The following DLG4 variants were observed in gnomAD, a reference collection of about 807,000 sequenced individuals.
DLG4 encodes disks large homolog 4.
In DLG4, 7 loss-of-function variants were observed where a neutral mutation model predicts 93.8. That is an observed-to-expected ratio of 0.07 (90% CI 0.04 to 0.14). The LOEUF is 0.14. DLG4 is among the 10% of genes least tolerant of loss of function. The pLI is 1.00. For synonymous variants in DLG4, 341 were observed against 387.6 expected (o/e 0.88, Z 1.41); for missense variants, 545 against 992.9 (o/e 0.55, Z 6.06).
Position 7,217,376 on chromosome 17 carries a change from G to C in DLG4, c.-229C>G. On this transcript the variant is annotated 5_prime_UTR_variant, in exon 1 of 20. Coordinates refer to ENST00000399506, the MANE Select transcript of DLG4 (RefSeq NM_001321075.3). ...AAAAGGGGCTCCCCAGTGGAGGGGA[G>C]GGGGCTTGGGGAGCACACCCCGATT... is the stretch of plus-strand genomic sequence containing the variant. The C allele has an allele frequency of 1.9e-6, 1 of 513,670 alleles. No homozygotes were observed. Among genetic ancestry groups the C allele is most frequent in the Non-Finnish European group, 3.0e-6 (1 of 337,056 alleles). 31.8% of individuals were successfully genotyped at this position (513,670 alleles called of 1,614,324 possible).
In DLG4 at chr17:7,193,309, G is replaced by A. The variant is rs2069596528; in HGVS notation, c.1693+174C>T. ...TCCAGGGCCTCCAAGTCTCTGGCCT[G>A]GGCATGGGTACTATGGAATGAGAGG... On this transcript the variant is annotated intron_variant, in intron 16 of 19. Coordinates refer to ENST00000399506, the MANE Select transcript of DLG4 (RefSeq NM_001321075.3). The surrounding 1 kb of genome is among the most constrained non-coding windows in gnomAD (Gnocchi z 6.7). Among the ~76,000 whole-genome samples the A allele has an allele frequency of 6.6e-6, 1 of 152,124 alleles. No homozygotes were observed. The highest frequency in any genetic ancestry group is 2.4e-5 in the African/African-American group (1 of 41,436).
chr17:7,219,024 C>G, upstream of DLG4: 1 of 677,764 alleles, frequency 1.5e-6, no homozygotes, highest in Non-Finnish European at 2.6e-6. Flanking sequence ...ACACCCTGGC[C>G]CCCTCTTCCC....
At chr17:7,192,606 T>G (rs1597441094) in intron 17 of DLG4, among the ~76,000 whole-genome samples, 6 of 139,808 alleles carry the variant, frequency 4.3e-5, no homozygotes, top group African/African-American at 1.4e-4. Context: ...CAGCGGGGAG[T>G]CAGGAAAAAG....
At position 7,190,595 on chromosome 17, in the gene DLG4, A is replaced by G. The variant is rs1454497324; in HGVS notation, c.*113T>C. The G allele has an allele frequency of 1.3e-6, 1 of 778,656 alleles. No individual in the cohort carries two copies. Among genetic ancestry groups the G allele is most frequent in the South Asian group, 1.5e-5 (1 of 65,246 alleles). The allele number at this position is 778,656 out of a possible 1,614,324, so 48.2% of individuals were successfully genotyped here. Reference sequence around the variant, plus strand: ...CTGGATCCAGTTAGAAAGGAAATAAATAAGAAGGGGTGGGAGGGAGGCCGG... The same window carrying G: ...CTGGATCCAGTTAGAAAGGAAATAAGTAAGAAGGGGTGGGAGGGAGGCCGG... On this transcript the variant is annotated 3_prime_UTR_variant, in exon 20 of 20. Coordinates refer to ENST00000399506, the MANE Select transcript of DLG4 (RefSeq NM_001321075.3).
rs1295545184 is a variant in DLG4 at position 7,204,269 on chromosome 17, G to A, written c.97-17C>T. On this transcript the variant is annotated splice_polypyrimidine_tract_variant and intron_variant, in intron 2 of 19. Coordinates refer to ENST00000399506, the MANE Select transcript of DLG4 (RefSeq NM_001321075.3). ...AGAATTGGCCTGTTTGGGAAAACAA[G>A]AGACAAAAAGCAGCCTGAGCCTTGA... The A allele has an allele frequency of 2.5e-6, 4 of 1,570,832 alleles. No individual in the cohort carries two copies. The highest frequency in any genetic ancestry group is 2.4e-5 in the South Asian group (2 of 84,816).
intron 1 of DLG4, among the ~76,000 whole-genome samples, chr17:7,211,875 GGA>G (rs996894331): frequency 2.7e-5 from 4 of 149,036 alleles, no homozygotes; most frequent in African/African-American, 1.0e-4. Flanking sequence ...CGTCACGTTG[GGA>G]GAGAGGGGTG....
At position 7,190,878 on chromosome 17, in the gene DLG4, G is replaced by A. The variant is rs78160041; in HGVS notation, c.2069-64C>T. On this transcript the variant is annotated intron_variant, in intron 19 of 19. Coordinates refer to ENST00000399506, the MANE Select transcript of DLG4 (RefSeq NM_001321075.3). Reference sequence around the variant, plus strand: ...GGCCAGAGGACACCTGGCCAAGGGGGTTGCACCAGCCCAGAGGAAGGGGCA... The same window carrying A: ...GGCCAGAGGACACCTGGCCAAGGGGATTGCACCAGCCCAGAGGAAGGGGCA... 4,814 of 1,376,588 alleles carry A rather than the reference G, an allele frequency of 3.5e-3. 137 individuals are homozygous for A. The African/African-American group carries it at 0.059, about 17-fold the overall frequency. The allele number at this position is 1,376,588 out of a possible 1,614,324, so 85.3% of individuals were successfully genotyped here. A position where few individuals can be genotyped will look rare whatever the true frequency, so the allele number is the denominator to read the frequency against.
At chr17:7,202,548 A>C (rs1303997097) in intron 8 of DLG4, among the ~76,000 whole-genome samples, 1 of 152,150 alleles carries the variant, frequency 6.6e-6, no homozygotes, top group Non-Finnish European at 1.5e-5. Flanking sequence ...TCCTTATTTT[A>C]CACTATCCTT....
At chr17:7,202,055 C>T (rs2070165368) in intron 8 of DLG4, among the ~76,000 whole-genome samples, 1 of 152,140 alleles carries the variant, frequency 6.6e-6, no homozygotes, top group Admixed American at 6.6e-5. Context: ...GTGAATTTCA[C>T]CAAATGCCTT....
upstream of DLG4, chr17:7,217,629 G>A (rs1434054355): frequency 2.3e-6 from 3 of 1,318,998 alleles, no homozygotes; most frequent in African/African-American, 3.2e-5. Flanking sequence ...GAGAGGAGGA[G>A]AGAGGAAGCA....
At chr17:7,219,503 C>T (rs1015161160), upstream of DLG4, 40 of 1,064,834 alleles carry the variant, frequency 3.8e-5, no homozygotes, top group Non-Finnish European at 4.4e-5. Flanking sequence ...CCCCCCACCA[C>T]TGTACCCTCC....
In DLG4 at chr17:7,196,898, A is replaced by G; in HGVS notation, c.942T>C (p.Ile314=). 1 of 1,613,704 alleles carries G rather than the reference A, an allele frequency of 6.2e-7. No homozygotes were observed. The highest frequency in any genetic ancestry group is 8.5e-7 in the Non-Finnish European group (1 of 1,179,808). The change falls in exon 9 of 20, where the codon ATT becomes ATC. Residue 314 remains isoleucine, a synonymous_variant. Transcript: ENST00000399506. The surrounding 1 kb of genome is among the most constrained non-coding windows in gnomAD (Gnocchi z 8.3). ...GGCCCGTGGAGCCCCGGTGGATCAC[A>G]ATTCGCCTCGGTTCTCGGGGAATGT... is the stretch of plus-strand genomic sequence containing the variant. ...EEDIPREPRR[I]VIHRGSTGLG...
At position 7,208,207 on chromosome 17, in the gene DLG4, A is replaced by G. The variant is rs765507749; in HGVS notation, c.63T>C (p.Pro21=). The G allele has an allele frequency of 4.6e-6, 6 of 1,313,688 alleles. No individual in the cohort carries two copies. The highest frequency in any genetic ancestry group is 5.9e-6 in the Non-Finnish European group (6 of 1,021,918). The allele number at this position is 1,313,688 out of a possible 1,614,324, so 81.4% of individuals were successfully genotyped here. A position where few individuals can be genotyped will look rare whatever the true frequency, so the allele number is the denominator to read the frequency against. The part of the protein sequence containing the change: ...KYRYQDEDTP[P]LEHSPAHLPN... ...GGAGGTGGGCCGGGCTGTGCTCCAG[A>G]GGGGGCGTGTCTTCATCTTGGTAGC... Residue 21 remains proline (P), a synonymous_variant, in exon 2 of 20, where the codon CCT becomes CCC. Transcript: ENST00000399506. The surrounding 1 kb of genome is among the most constrained non-coding windows in gnomAD (Gnocchi z 5.4).
chr17:7,213,768 A>C, intron 1 of DLG4: 1 of 471,092 alleles, frequency 2.1e-6, no homozygotes, highest in Non-Finnish European at 4.4e-6. Flanking sequence ...ATGCCCATAC[A>C]TGGTAGAAAT....
In DLG4 at chr17:7,208,110, C is replaced by A; in HGVS notation, c.96+64G>T. On this transcript the variant is annotated intron_variant, in intron 2 of 19. Coordinates refer to ENST00000399506, the MANE Select transcript of DLG4 (RefSeq NM_001321075.3). The surrounding 1 kb of genome is among the most constrained non-coding windows in gnomAD (Gnocchi z 5.4). Reference sequence around the variant, plus strand: ...GAGAGGTGGGCGTGGCCCACGACCCCGTGGCCAGCCTCGAGGTGGGACAAG... The same window carrying A: ...GAGAGGTGGGCGTGGCCCACGACCCAGTGGCCAGCCTCGAGGTGGGACAAG... 7.6e-7 allele frequency: 1 copy of A among 1,320,110 alleles called. No individual in the cohort carries two copies. Among genetic ancestry groups the A allele is most frequent in the Non-Finnish European group, 9.8e-7 (1 of 1,025,060 alleles). The allele number at this position is 1,320,110 out of a possible 1,614,324, so 81.8% of individuals were successfully genotyped here. A position where few individuals can be genotyped will look rare whatever the true frequency, so the allele number is the denominator to read the frequency against.
chr17:7,189,659 G>A lies in DLG4; in HGVS notation c.*1049C>T, dbSNP rs769719989. ...GATCAGAGCTGGACTAAGTCTGCAG[G>A]GCCCCAGACAAGTTCCAGCCTCCCC... On this transcript the variant is annotated 3_prime_UTR_variant, in exon 20 of 20. Transcript: ENST00000399506. Among the ~76,000 whole-genome samples the A allele has an allele frequency of 7.2e-5, 11 of 152,078 alleles. No individual in the cohort carries two copies. Among genetic ancestry groups the A allele is most frequent in the Non-Finnish European group, 1.5e-4 (10 of 68,020 alleles).
chr17:7,204,500 C>T, intron 2 of DLG4: 1 of 436,530 alleles, frequency 2.3e-6, no homozygotes, highest in Non-Finnish European at 4.0e-6. Context: ...GCCCGGGGCC[C>T]CCTGCATGTG....
chr17:7,219,997 C>T, upstream of DLG4: 1 of 1,603,212 alleles, frequency 6.2e-7, no homozygotes, highest in Non-Finnish European at 8.5e-7. Context: ...GCAGGCGGCT[C>T]GGATGGCCGC....
intron 8 of DLG4, among the ~76,000 whole-genome samples, chr17:7,201,843 T>C (rs912428044): frequency 2.0e-5 from 3 of 152,064 alleles, no homozygotes; most frequent in African/African-American, 7.2e-5. Flanking sequence ...ATCACACCAC[T>C]GCACTCCAGC....
Sources: gnomAD v4.1 joint callset for allele counts (sites outside exome capture counted in the v4.1 genomes callset) on GRCh38, gnomAD v4.1.1 for gene constraint, Gnocchi (gnomAD v3.1) non-coding constraint, MANE v1.5 for transcripts, NCBI Gene and HGNC (gene_info 2026-07-23, HGNC 2026-07-21) for gene names.